CRIPTO: variants seen among roughly 807,000 people sequenced by gnomAD.
CRIPTO encodes the protein cripto, EGF-CFC family member.
At chr3:46,577,672 C>T in the CRIPTO span, 26 of 500,872 alleles carry the variant, frequency 5.2e-5, no homozygotes, top group Non-Finnish European at 8.3e-5. Context: ...GGTGGGCGTC[C>T]CGCCCACCTG....
At chr3:46,581,507 TTTC>T in the CRIPTO span, 16 of 598,356 alleles carry the variant, frequency 2.7e-5, no homozygotes, top group African/African-American at 3.1e-4. Flanking sequence ...AAGTCCAGTG[TTTC>T]TTTTTTTTTT....
At chr3:46,579,192 G>GC in the CRIPTO span, 1 of 1,613,924 alleles carries the variant, frequency 6.2e-7, no homozygotes, top group African/African-American at 1.3e-5. Context: ...TTTTTATGTG[G>GC]CCTAAAATAC....
chr3:46,581,314 G>A, the CRIPTO span: 2 of 1,244,156 alleles, frequency 1.6e-6, no homozygotes, highest in African/African-American at 1.5e-5. Context: ...GACCAGTAAA[G>A]GCTGCTGCTA....
chr3:46,578,097 T>G, the CRIPTO span: 1 of 1,424,626 alleles, frequency 7.0e-7, no homozygotes, highest in Non-Finnish European at 9.9e-7. Flanking sequence ...GATTTTTCTC[T>G]TGCTCAAGCC....
At chr3:46,581,757 C>T in the CRIPTO span, 31 of 334,234 alleles carry the variant, frequency 9.3e-5, no homozygotes, top group Admixed American at 1.0e-3. Flanking sequence ...GTGATCCACT[C>T]GCCTCAGCCT....
chr3:46,581,643 G>C, the CRIPTO span: 6 of 531,102 alleles, frequency 1.1e-5, no homozygotes, highest in Non-Finnish European at 2.0e-5. Flanking sequence ...CCAAGTAACT[G>C]GGATTACAGG....
At chr3:46,580,208 A>G in the CRIPTO span, 2 of 1,031,158 alleles carry the variant, frequency 1.9e-6, no homozygotes, top group East Asian at 5.2e-5. Flanking sequence ...CAGACTCCTG[A>G]TGAGATAGTT....
At chr3:46,578,854 C>A in the CRIPTO span, among the ~76,000 whole-genome samples, 4 of 151,916 alleles carry the variant, frequency 2.6e-5, no homozygotes, top group African/African-American at 7.3e-5. Flanking sequence ...AAATTAGGTA[C>A]TTATGTGAGG....
At chr3:46,579,056 C>T in the CRIPTO span, 8 of 1,612,166 alleles carry the variant, frequency 5.0e-6, no homozygotes, top group Non-Finnish European at 5.1e-6. Flanking sequence ...GTTTTATTTC[C>T]TTTGTTTGGC....
At chr3:46,579,265 G>A in the CRIPTO span, 25 of 1,613,976 alleles carry the variant, frequency 1.5e-5, no homozygotes, top group Middle Eastern at 4.9e-4. Flanking sequence ...CGTCCATCTC[G>A]GGGATACCTG....
At chr3:46,578,322 G>C in the CRIPTO span, among the ~76,000 whole-genome samples, 1 of 148,746 alleles carries the variant, frequency 6.7e-6, no homozygotes, top group African/African-American at 2.5e-5. Flanking sequence ...AAAGATTAAA[G>C]GTATAAGCAG....
At chr3:46,581,580 G>T in the CRIPTO span, 6 of 572,350 alleles carry the variant, frequency 1.0e-5, no homozygotes, top group African/African-American at 1.9e-5. Flanking sequence ...CGCGATCTTG[G>T]TTCACTGCAA....
chr3:46,577,777 G>C, the CRIPTO span: 10 of 657,060 alleles, frequency 1.5e-5, no homozygotes, highest in East Asian at 8.2e-5. Flanking sequence ...GTCCAAGGCC[G>C]AAAGCCCTCC....
the CRIPTO span, among the ~76,000 whole-genome samples, chr3:46,575,540 G>C: frequency 1.3e-5 from 2 of 152,174 alleles, no homozygotes; most frequent in Admixed American, 6.5e-5. Flanking sequence ...ATTTTGTGTG[G>C]CTGAAAAGCT....
chr3:46,577,841 G>A, the CRIPTO span: 1 of 1,093,154 alleles, frequency 9.1e-7, no homozygotes, highest in Non-Finnish European at 1.4e-6. Context: ...TGGGGAAAAC[G>A]AATTTCTCAT....
At chr3:46,581,358 T>C in the CRIPTO span, 1 of 912,388 alleles carries the variant, frequency 1.1e-6, no homozygotes, top group African/African-American at 1.6e-5. Flanking sequence ...CATTTGTAGT[T>C]GCCTTAAAAT....
chr3:46,578,818 GAAGAT>G, the CRIPTO span, among the ~76,000 whole-genome samples: 6 of 152,118 alleles, frequency 3.9e-5, no homozygotes, highest in African/African-American at 1.4e-4. Context: ...ATGTGAAATA[GAAGAT>G]AAAAGACATA....
At chr3:46,579,844 T>C in the CRIPTO span, 2 of 1,614,072 alleles carry the variant, frequency 1.2e-6, no homozygotes, top group Non-Finnish European at 1.7e-6. Flanking sequence ...GAGCACGATG[T>C]GCGCAAAGAG....
At chr3:46,577,712 T>C in the CRIPTO span, 4 of 527,448 alleles carry the variant, frequency 7.6e-6, no homozygotes, top group East Asian at 6.7e-5. Flanking sequence ...CTGGGGTTTG[T>C]TGTTGAAGAA....
Sources: gnomAD v4.1 joint callset for allele counts (sites outside exome capture counted in the v4.1 genomes callset) on GRCh38, gnomAD v4.1.1 for gene constraint, MANE v1.5 for transcripts, NCBI Gene and HGNC (gene_info 2026-07-23, HGNC 2026-07-21) for gene names.